The following WWOX variants were observed in gnomAD, a reference collection of about 807,000 sequenced individuals.
WWOX encodes WW domain-containing oxidoreductase.
WWOX carries 69 observed loss-of-function variants against 46.2 expected under a neutral mutation model. The ratio of observed to expected loss-of-function variants is 1.49; its 90% CI spans 1.23 to 1.82. The LOEUF is 1.82. Ranked by LOEUF, WWOX falls within the 40% of genes most tolerant of loss-of-function variation. The probability of loss-of-function intolerance (pLI) is 0.00; values close to 1 mark genes in which losing one functional copy is unlikely to be tolerated. For synonymous variants in WWOX, 359 were observed against 202.6 expected (o/e 1.77, Z -6.56); for missense variants, 919 against 542.6 (o/e 1.69, Z -6.89).
rs111891528 is a variant in WWOX at position 78,543,770 on chromosome 16, C to T, written c.1056+111018C>T. The stretch of plus-strand genomic sequence containing the variant: ...AAACCTGTGAGATCCCTTGAATATA[C>T]TGACAATACACTGATGAGAATTGAA... On this transcript the variant is annotated intron_variant, in intron 8 of 8. Coordinates refer to ENST00000566780, the MANE Select transcript of WWOX (RefSeq NM_016373.4). Among the ~76,000 whole-genome samples the T allele has an allele frequency of 2.8e-4, 43 of 152,268 alleles. 1 individual carries two copies. Among genetic ancestry groups the T allele is most frequent in the African/African-American group, 9.6e-4 (40 of 41,564 alleles).
At chr16:78,169,981 G>A (rs1277126397) in intron 5 of WWOX, among the ~76,000 whole-genome samples, 2 of 152,166 alleles carry the variant, frequency 1.3e-5, no homozygotes, top group Non-Finnish European at 2.9e-5. Flanking sequence ...CATTGAGATG[G>A]CCACAGGTTG....
chr16:78,886,228 C>A (rs1597106361), intron 8 of WWOX, among the ~76,000 whole-genome samples: 1 of 142,980 alleles, frequency 7.0e-6, no homozygotes, highest in African/African-American at 2.6e-5. Flanking sequence ...CCTGACTGTA[C>A]TTTTTTTTTT....
intron 5 of WWOX, among the ~76,000 whole-genome samples, chr16:78,193,901 G>T (rs186551806): frequency 6.8e-6 from 1 of 146,822 alleles, no homozygotes; most frequent in African/African-American, 2.5e-5. Context: ...TTTTTGAGAC[G>T]GACTCTCGCA....
At chr16:78,858,667 T>C (rs1028068600) in intron 8 of WWOX, among the ~76,000 whole-genome samples, 2 of 152,030 alleles carry the variant, frequency 1.3e-5, no homozygotes, top group Admixed American at 1.3e-4. Flanking sequence ...GTTTGAATTG[T>C]GTTCCATCAA....
rs372669780 is a variant in WWOX, at chr16:78,620,382, A to G, written c.1056+187630A>G. ...GCTTAGGTTTGACAAGTTTCCTCCA[A>G]CAGACTCGTGTAGAAGTTTCTGTAT... On this transcript the variant is annotated intron_variant, in intron 8 of 8. Transcript: ENST00000566780. Among the ~76,000 whole-genome samples the G allele has an allele frequency of 1.1e-4, 17 of 152,282 alleles. No homozygotes were observed. In the South Asian group the frequency reaches 1.9e-3, roughly 17 times the overall value.
At chr16:78,516,633 G>T (rs1219927152) in intron 8 of WWOX, among the ~76,000 whole-genome samples, 2 of 152,174 alleles carry the variant, frequency 1.3e-5, no homozygotes, top group East Asian at 3.9e-4. Context: ...CACGTGTATT[G>T]TCTCCTCCTA....
chr16:78,334,801 C>G (rs1296751631), intron 5 of WWOX, among the ~76,000 whole-genome samples: 1 of 47,770 alleles, frequency 2.1e-5, no homozygotes, highest in Non-Finnish European at 4.0e-5. Context: ...TCCACACACA[C>G]ACACACGCAC....
chr16:78,252,057 C>G (rs1464726790), intron 5 of WWOX, among the ~76,000 whole-genome samples: 1 of 152,156 alleles, frequency 6.6e-6, no homozygotes, highest in Non-Finnish European at 1.5e-5. Flanking sequence ...ATTTTGATCT[C>G]TGGGATGAGA....
chr16:78,961,475 G>A (rs2046269819), intron 8 of WWOX, among the ~76,000 whole-genome samples: 1 of 152,008 alleles, frequency 6.6e-6, no homozygotes, highest in Admixed American at 6.6e-5. Context: ...ATGGATGGAT[G>A]GATGGATAGG....
intron 8 of WWOX, among the ~76,000 whole-genome samples, chr16:78,819,940 A>C (rs1348913011): frequency 6.6e-6 from 1 of 152,040 alleles, no homozygotes; most frequent in Non-Finnish European, 1.5e-5. Context: ...TTATGTATTC[A>C]CTCATCTATT....
intron 8 of WWOX, among the ~76,000 whole-genome samples, chr16:78,950,736 T>C (rs367609268): frequency 1.3e-5 from 2 of 152,156 alleles, no homozygotes; most frequent in Admixed American, 6.6e-5. Context: ...GGTGATAAAA[T>C]TGGGAGTTTT....
intron 8 of WWOX, among the ~76,000 whole-genome samples, chr16:79,030,169 A>G (rs2047724894): frequency 6.6e-6 from 1 of 152,248 alleles, no homozygotes; most frequent in Non-Finnish European, 1.5e-5. Flanking sequence ...ATTTTCCGTT[A>G]TCATAGCCAT....
intron 5 of WWOX, among the ~76,000 whole-genome samples, chr16:78,371,912 A>C (rs920736651): frequency 1.3e-5 from 2 of 152,206 alleles, no homozygotes; most frequent in African/African-American, 4.8e-5. Context: ...ATAGCTTAAC[A>C]CAATGGTAAT....
At chr16:78,330,223 A>G (rs2080722556) in intron 5 of WWOX, among the ~76,000 whole-genome samples, 1 of 152,198 alleles carries the variant, frequency 6.6e-6, no homozygotes, top group Non-Finnish European at 1.5e-5. Context: ...AATAAAAACC[A>G]ATAACTATAA....
At chr16:78,660,602 C>T (rs1032216439) in intron 8 of WWOX, among the ~76,000 whole-genome samples, 2 of 151,956 alleles carry the variant, frequency 1.3e-5, no homozygotes, top group African/African-American at 2.4e-5. Flanking sequence ...TTTTGCTTGC[C>T]ACCAGCTCCC....
intron 8 of WWOX, among the ~76,000 whole-genome samples, chr16:78,590,849 A>T (rs1567665387): frequency 6.6e-6 from 1 of 152,048 alleles, no homozygotes; most frequent in Non-Finnish European, 1.5e-5. Context: ...GTTGCAGAGG[A>T]GTTGTTAAGA....
intron 5 of WWOX, among the ~76,000 whole-genome samples, chr16:78,324,394 A>G (rs1006943987): frequency 6.6e-5 from 10 of 152,094 alleles, no homozygotes; most frequent in Admixed American, 2.0e-4. Context: ...GGTTCCTCCA[A>G]TAGTCAAGAG....
intron 8 of WWOX, among the ~76,000 whole-genome samples, chr16:78,925,008 A>C (rs1025878112): frequency 1.3e-5 from 2 of 152,202 alleles, no homozygotes; most frequent in Non-Finnish European, 2.9e-5. Flanking sequence ...CAGCCTGGGC[A>C]ACATGGCAAA....
At chr16:78,632,354 G>C (rs1305923990) in intron 8 of WWOX, among the ~76,000 whole-genome samples, 1 of 152,114 alleles carries the variant, frequency 6.6e-6, no homozygotes, top group Non-Finnish European at 1.5e-5. Flanking sequence ...CATGCCCAAA[G>C]TATCAGAGTC....
Sources: gnomAD v4.1 joint callset for allele counts (sites outside exome capture counted in the v4.1 genomes callset) on GRCh38, gnomAD v4.1.1 for gene constraint, MANE v1.5 for transcripts, NCBI Gene and HGNC (gene_info 2026-07-23, HGNC 2026-07-21) for gene names.